Variants in ROBO2 observed in about 807,000 individuals in gnomAD.
The protein encoded by ROBO2 is roundabout guidance receptor 2.
In ROBO2, 53 loss-of-function variants were observed where a neutral mutation model predicts 160.8. That is an observed-to-expected ratio of 0.33 (90% CI 0.26 to 0.41). The LOEUF (loss-of-function observed/expected upper bound fraction) is 0.41. ROBO2 is among the 10% of genes least tolerant of loss of function. The pLI is 1.00. For missense variants in ROBO2, 1,577 were observed against 1,722.4 expected (o/e 0.92, Z 1.49); for synonymous variants, 664 against 611.7 (o/e 1.09, Z -1.26).
chr3:76,507,872 T>A (rs142234028), intron 2 of ROBO2, among the ~76,000 whole-genome samples: 4 of 152,254 alleles, frequency 2.6e-5, no homozygotes, highest in African/African-American at 9.6e-5. Flanking sequence ...CTGATCTGTC[T>A]CTTTCATAGG....
At chr3:77,584,663 A>C (rs187777831) in intron 16 of ROBO2, among the ~76,000 whole-genome samples, 2 of 152,064 alleles carry the variant, frequency 1.3e-5, no homozygotes, top group Non-Finnish European at 2.9e-5. Flanking sequence ...TACAGTATTA[A>C]CTTTTCTTTA....
At chr3:76,181,337 A>G (rs1701492159) in intron 2 of ROBO2, among the ~76,000 whole-genome samples, 1 of 152,136 alleles carries the variant, frequency 6.6e-6, no homozygotes. Context: ...TTCAATTGTA[A>G]TTGTATAATA....
At chr3:76,363,494 T>C (rs1355186157) in intron 2 of ROBO2, among the ~76,000 whole-genome samples, 1 of 152,130 alleles carries the variant, frequency 6.6e-6, no homozygotes, top group Non-Finnish European at 1.5e-5. Context: ...TTATTAAAGA[T>C]GACAACAAGA....
At chr3:76,948,577 T>G (rs1304999299) in intron 2 of ROBO2, among the ~76,000 whole-genome samples, 1 of 137,594 alleles carries the variant, frequency 7.3e-6, no homozygotes, top group Non-Finnish European at 1.5e-5. Context: ...AATTATAATC[T>G]AATTTTTTTT....
At chr3:76,943,066 A>G (rs1343579085) in intron 2 of ROBO2, among the ~76,000 whole-genome samples, 2 of 152,222 alleles carry the variant, frequency 1.3e-5, no homozygotes, top group African/African-American at 4.8e-5. Flanking sequence ...ACCTAACGTC[A>G]TGTGAGTACT....
intron 2 of ROBO2, among the ~76,000 whole-genome samples, chr3:76,380,529 C>T (rs1483840406): frequency 6.6e-6 from 1 of 152,116 alleles, no homozygotes; most frequent in Non-Finnish European, 1.5e-5. Flanking sequence ...TTTTTCACCT[C>T]CTCCTTTTTC....
chr3:76,290,197 T>C (rs1009911480), intron 2 of ROBO2, among the ~76,000 whole-genome samples: 1 of 152,052 alleles, frequency 6.6e-6, no homozygotes, highest in African/African-American at 2.4e-5. Context: ...GTAGGGATCT[T>C]TTCACTGATT....
At chr3:76,396,027 A>G (rs1442004190) in intron 2 of ROBO2, among the ~76,000 whole-genome samples, 1 of 152,220 alleles carries the variant, frequency 6.6e-6, no homozygotes, top group Middle Eastern at 3.4e-3. Flanking sequence ...TAAAAAAGAG[A>G]ATTTTAGACC....
intron 13 of ROBO2, among the ~76,000 whole-genome samples, chr3:77,568,683 G>A (rs2093557914): frequency 6.6e-6 from 1 of 151,920 alleles, no homozygotes; most frequent in Non-Finnish European, 1.5e-5. Flanking sequence ...GATATAATTA[G>A]CATACCATAA....
intron 2 of ROBO2, among the ~76,000 whole-genome samples, chr3:76,873,382 C>T (rs554690077): frequency 6.6e-6 from 1 of 152,320 alleles, no homozygotes; most frequent in South Asian, 2.1e-4. Context: ...ATTTGAGAAA[C>T]TCCTTCTACT....
intron 2 of ROBO2, among the ~76,000 whole-genome samples, chr3:77,304,944 C>G (rs935228800): frequency 2.0e-5 from 3 of 152,196 alleles, no homozygotes; most frequent in African/African-American, 7.2e-5. Flanking sequence ...CTAAAAATGA[C>G]CAGGTGCAGT....
chr3:76,683,550 C>A (rs2092618258), intron 2 of ROBO2, among the ~76,000 whole-genome samples: 1 of 150,054 alleles, frequency 6.7e-6, no homozygotes, highest in Non-Finnish European at 1.5e-5. Flanking sequence ...TCTTCAAATT[C>A]ATTACCTTGT....
rs184358223 is a variant in ROBO2 at position 77,526,332 on chromosome 3, G to A, written c.934+3430G>A. Among the ~76,000 whole-genome samples, 348 of 151,530 alleles carry A rather than the reference G, an allele frequency of 2.3e-3. 2 individuals are homozygous for A. Among genetic ancestry groups the A allele is most frequent in the South Asian group, 0.016 (75 of 4,812 alleles). On this transcript the variant is annotated intron_variant, in intron 6 of 25. Coordinates refer to ENST00000461745, the Ensembl canonical transcript of ROBO2. ...TTCAATGGCTGTTCCTATCTTGCCCGAAGAGCCATCATCAACACGAAACTA... is the reference window on the plus strand; with the variant it reads ...TTCAATGGCTGTTCCTATCTTGCCCAAAGAGCCATCATCAACACGAAACTA...
chr3:77,492,625 T>G (rs570913039), intron 4 of ROBO2, among the ~76,000 whole-genome samples: 1 of 152,168 alleles, frequency 6.6e-6, no homozygotes, highest in South Asian at 2.1e-4. Flanking sequence ...GATAAATAAA[T>G]AGTTTGCAAC....
At chr3:76,185,215 T>TATATAGATATATATATATATATAC in intron 2 of ROBO2, among the ~76,000 whole-genome samples, 22 of 90,290 alleles carry the variant, frequency 2.4e-4, no homozygotes, top group African/African-American at 6.4e-4. Context: ...TATATATATA[T>TATATAGATATATATATATATATAC]ACACACACAA....
At chr3:76,679,173 T>C (rs1295607599) in intron 2 of ROBO2, among the ~76,000 whole-genome samples, 1 of 152,188 alleles carries the variant, frequency 6.6e-6, no homozygotes. Context: ...TATTCTTTGT[T>C]TTCTTAAATA....
At chr3:76,984,175 T>C (rs1263185023) in intron 2 of ROBO2, among the ~76,000 whole-genome samples, 1 of 152,106 alleles carries the variant, frequency 6.6e-6, no homozygotes, top group African/African-American at 2.4e-5. Flanking sequence ...GGGATTACAA[T>C]TCAAAAATGA....
intron 2 of ROBO2, among the ~76,000 whole-genome samples, chr3:76,635,089 G>A (rs2090254898): frequency 6.6e-6 from 1 of 152,182 alleles, no homozygotes; most frequent in Admixed American, 6.5e-5. Context: ...GCGCCAAAAT[G>A]TCGGGGACCG....
At chr3:76,578,353 T>C (rs1200058776) in intron 2 of ROBO2, among the ~76,000 whole-genome samples, 2 of 152,134 alleles carry the variant, frequency 1.3e-5, no homozygotes, top group Non-Finnish European at 2.9e-5. Context: ...GTCTTGGGTC[T>C]CTACTCATTT....
Sources: allele counts gnomAD v4.1 joint callset (sites outside exome capture counted in the v4.1 genomes callset), GRCh38; gene constraint gnomAD v4.1.1; transcripts MANE v1.5; gene names NCBI Gene and HGNC (gene_info 2026-07-23, HGNC 2026-07-21).